Variants in ZNF438 observed in about 807,000 individuals in gnomAD.
The protein encoded by ZNF438 is zinc finger protein 438.
A neutral mutation model predicts 38.0 loss-of-function variants in ZNF438; 25 were observed. The ratio of observed to expected loss-of-function variants is 0.66; its 90% CI spans 0.48 to 0.92. The LOEUF (loss-of-function observed/expected upper bound fraction) is 0.92. ZNF438 is among the 40% of genes least tolerant of loss of function. ZNF438 has a pLI of 0.00. For synonymous variants in ZNF438, 372 were observed against 364.1 expected (o/e 1.02, Z -0.25); for missense variants, 1,007 against 999.6 (o/e 1.01, Z -0.10).
At chr10:30,870,263 T>C (rs1278092368) in intron 4 of ZNF438, among the ~76,000 whole-genome samples, 1 of 152,154 alleles carries the variant, frequency 6.6e-6, no homozygotes, top group Non-Finnish European at 1.5e-5. Flanking sequence ...TCAATACTTG[T>C]GGTGCTTTCA....
At chr10:30,844,927 A>G in exon 6 of ZNF438, 1 of 1,590,268 alleles carries the variant, frequency 6.3e-7, no homozygotes, top group Non-Finnish European at 8.6e-7. Flanking sequence ...GTGGCGGCAG[A>G]GCTCTCTCCT....
chr10:30,858,775 T>C (rs1359860113), intron 4 of ZNF438, among the ~76,000 whole-genome samples: 1 of 152,174 alleles, frequency 6.6e-6, no homozygotes, highest in Non-Finnish European at 1.5e-5. Flanking sequence ...CTTGACATAC[T>C]TGTGTGTTCT....
intron 3 of ZNF438, among the ~76,000 whole-genome samples, chr10:30,892,805 C>T (rs1350516930): frequency 6.6e-6 from 1 of 152,124 alleles, no homozygotes; most frequent in Non-Finnish European, 1.5e-5. Flanking sequence ...ATTATACATG[C>T]TGTTCTTTTT....
intron 1 of ZNF438, among the ~76,000 whole-genome samples, chr10:31,023,026 A>C (rs2056711017): frequency 6.6e-6 from 1 of 152,238 alleles, no homozygotes; most frequent in East Asian, 1.9e-4. Flanking sequence ...TTCACGGTCC[A>C]AAACCGCAAT....
At chr10:30,852,963 C>A (rs1232938262) in intron 4 of ZNF438, among the ~76,000 whole-genome samples, 1 of 151,692 alleles carries the variant, frequency 6.6e-6, no homozygotes, top group Non-Finnish European at 1.5e-5. Flanking sequence ...ACCTCACCTT[C>A]TCATCTTTTT....
chr10:30,922,691 T>C (rs532909871), intron 2 of ZNF438, among the ~76,000 whole-genome samples: 9 of 151,938 alleles, frequency 5.9e-5, no homozygotes, highest in African/African-American at 2.2e-4. Flanking sequence ...AAAAATTAGC[T>C]GGGAATGGTG....
intron 3 of ZNF438, among the ~76,000 whole-genome samples, chr10:30,904,956 C>T (rs1459765664): frequency 6.6e-6 from 1 of 152,156 alleles, no homozygotes; most frequent in Admixed American, 6.5e-5. Context: ...ATTGTAATGC[C>T]TCATACTCCT....
chr10:30,958,231 C>G (rs74712047), intron 1 of ZNF438, among the ~76,000 whole-genome samples: 1,878 of 146,770 alleles, frequency 0.013, 95 homozygotes, highest in African/African-American at 0.042. Context: ...AAAGGGGGCT[C>G]AAGAAACAGG....
chr10:30,891,581 G>A (rs758039260), intron 3 of ZNF438, among the ~76,000 whole-genome samples: 34 of 152,072 alleles, frequency 2.2e-4, no homozygotes, highest in Non-Finnish European at 4.4e-4. Context: ...CTAGTCTCTT[G>A]AATTTATCTA....
intron 1 of ZNF438, among the ~76,000 whole-genome samples, chr10:30,946,138 T>C (rs571110157): frequency 6.6e-6 from 1 of 152,012 alleles, no homozygotes; most frequent in East Asian, 1.9e-4. Flanking sequence ...TTGATTTGCA[T>C]TTCTCTGATG....
chr10:30,919,489 G>A (rs1195040370), intron 2 of ZNF438: 1 of 152,096 alleles, frequency 6.6e-6, no homozygotes, highest in Non-Finnish European at 1.5e-5. Context: ...TTCTGCATCG[G>A]TGGCCAGCGC....
chr10:30,857,680 T>C, intron 4 of ZNF438: 1 of 1,509,706 alleles, frequency 6.6e-7, no homozygotes, highest in Non-Finnish European at 8.9e-7. Context: ...TGCCACTTAC[T>C]ATCCATAGGA....
intron 1 of ZNF438, among the ~76,000 whole-genome samples, chr10:31,025,321 T>C (rs924516143): frequency 1.3e-5 from 2 of 152,224 alleles, no homozygotes; most frequent in African/African-American, 4.8e-5. Flanking sequence ...TTCAGTGACA[T>C]GCTATAATGG....
chr10:30,849,768 T>A, exon 5 of ZNF438: 1 of 1,614,206 alleles, frequency 6.2e-7, no homozygotes, highest in Non-Finnish European at 8.5e-7. Context: ...GGGTTCAGAC[T>A]GCCATGGGTG....
At chr10:30,876,838 AAATTATTTACCAAAAG>A (rs1447269629) in intron 4 of ZNF438, among the ~76,000 whole-genome samples, 144 bp downstream of exon 5, 1 of 152,206 alleles carries the variant, frequency 6.6e-6, no homozygotes, top group Non-Finnish European at 1.5e-5. Context: ...ATATACACTC[AAATTATTTACCAAAAG>A]AAATGAGTTT....
chr10:30,930,301 C>A (rs999449111), intron 2 of ZNF438, among the ~76,000 whole-genome samples: 2 of 152,108 alleles, frequency 1.3e-5, no homozygotes, highest in African/African-American at 4.8e-5. Context: ...GTGCACCCTC[C>A]GCAGCTGTTG....
chr10:31,013,274 C>A (rs535916102), intron 1 of ZNF438, among the ~76,000 whole-genome samples: 1,521 of 151,820 alleles, frequency 0.01, 21 homozygotes, highest in African/African-American at 0.034. Flanking sequence ...AGCCGAGATC[C>A]CGCCACTGCA....
chr10:30,943,652 T>C (rs2994632), intron 1 of ZNF438, among the ~76,000 whole-genome samples: 19,335 of 152,116 alleles, frequency 0.13, 1,620 homozygotes, highest in Middle Eastern at 0.24. Flanking sequence ...GGTGGTGACA[T>C]CATTGAAGAA....
At chr10:30,923,019 A>G (rs2044496907) in intron 2 of ZNF438, among the ~76,000 whole-genome samples, 1 of 152,142 alleles carries the variant, frequency 6.6e-6, no homozygotes, top group African/African-American at 2.4e-5. Flanking sequence ...TTTTTGATAA[A>G]TTTCTCCAAA....
Sources: gnomAD v4.1 joint callset for allele counts (sites outside exome capture counted in the v4.1 genomes callset) on GRCh38, gnomAD v4.1.1 for gene constraint, MANE v1.5 for transcripts, NCBI Gene and HGNC (gene_info 2026-07-23, HGNC 2026-07-21) for gene names.